ZFHX3: variants seen among roughly 807,000 people sequenced by gnomAD.
ZFHX3 encodes the protein zinc finger homeobox 3.
Under a neutral mutation model 279.1 loss-of-function variants are expected in ZFHX3, and 42 were observed. The ratio of observed to expected loss-of-function variants is 0.15; its 90% CI spans 0.12 to 0.19. ZFHX3 has a LOEUF of 0.19. ZFHX3 is among the 10% of genes least tolerant of loss of function. The pLI is 1.00. For synonymous variants in ZFHX3, 2,293 were observed against 1,957.8 expected (o/e 1.17, Z -4.52); for missense variants, 4,981 against 4,754.0 (o/e 1.05, Z -1.40).
chr16:73,778,054 A>T (rs1959318659), intron 1 of ZFHX3, among the ~76,000 whole-genome samples: 1 of 151,810 alleles, frequency 6.6e-6, no homozygotes, highest in Admixed American at 6.6e-5. Flanking sequence ...TAAAAAATGA[A>T]AATGAAAAAA....
At chr16:73,205,230 T>A (rs1184374180) in intron 5 of ZFHX3, among the ~76,000 whole-genome samples, 1 of 152,094 alleles carries the variant, frequency 6.6e-6, no homozygotes, top group African/African-American at 2.4e-5. Context: ...CACCTTGAGA[T>A]CTCACAGGGT....
intron 5 of ZFHX3, among the ~76,000 whole-genome samples, chr16:73,190,028 T>C (rs957714418): frequency 6.6e-6 from 1 of 152,254 alleles, no homozygotes; most frequent in Admixed American, 6.5e-5. Flanking sequence ...ACATCCACTC[T>C]TGAAAGAAGC....
intron 2 of ZFHX3, among the ~76,000 whole-genome samples, chr16:73,553,909 T>C (rs7196605): frequency 0.18 from 27,134 of 152,152 alleles, 3,913 homozygotes; most frequent in African/African-American, 0.4. Flanking sequence ...AAATGCTTAA[T>C]GTGAGTTTTC....
chr16:73,673,215 T>C (rs1281332945), intron 2 of ZFHX3, among the ~76,000 whole-genome samples: 1 of 152,046 alleles, frequency 6.6e-6, no homozygotes, highest in Non-Finnish European at 1.5e-5. Context: ...GAGGAGGATA[T>C]CAAGATAAGA....
chr16:73,448,317 G>A (rs185698213), intron 3 of ZFHX3, among the ~76,000 whole-genome samples: 60 of 152,270 alleles, frequency 3.9e-4, no homozygotes, highest in East Asian at 1.5e-3. Flanking sequence ...GTACTATGCC[G>A]TAGAATAGTT....
chr16:73,662,428 G>C (rs2052795138), intron 2 of ZFHX3, among the ~76,000 whole-genome samples: 1 of 152,048 alleles, frequency 6.6e-6, no homozygotes, highest in Admixed American at 6.6e-5. Context: ...CGAGACACAT[G>C]CACGTATATA....
intron 5 of ZFHX3, among the ~76,000 whole-genome samples, chr16:73,195,802 C>G (rs948294985): frequency 6.6e-6 from 1 of 152,004 alleles, no homozygotes; most frequent in South Asian, 2.1e-4. Flanking sequence ...GAATCAGGAA[C>G]GGCAGGAAGT....
chr16:72,942,627 A>G (rs1010913434), intron 3 of ZFHX3, among the ~76,000 whole-genome samples: 7 of 152,188 alleles, frequency 4.6e-5, no homozygotes, highest in Non-Finnish European at 1.0e-4. Flanking sequence ...TGTAACCAGT[A>G]CCTGAAAACA....
chr16:73,624,642 G>GA (rs34274078), intron 2 of ZFHX3, among the ~76,000 whole-genome samples: 81,339 of 146,178 alleles, frequency 0.56, 24,826 homozygotes, highest in East Asian at 0.82. Flanking sequence ...CTATCCCCCA[G>GA]AAAAAAAAAA....
At chr16:73,006,891 T>A (rs1258842212) in intron 1 of ZFHX3, among the ~76,000 whole-genome samples, 1 of 152,214 alleles carries the variant, frequency 6.6e-6, no homozygotes, top group Non-Finnish European at 1.5e-5. Context: ...ATGTAAATGC[T>A]ATATAAATAT....
At chr16:72,962,041 T>C (rs1275500781) in intron 1 of ZFHX3, among the ~76,000 whole-genome samples, 3 of 152,170 alleles carry the variant, frequency 2.0e-5, no homozygotes, top group Non-Finnish European at 2.9e-5. Context: ...ATCTGATTGA[T>C]AGCTTGGGCC....
At chr16:73,830,595 G>A (rs1168343261) in intron 1 of ZFHX3, among the ~76,000 whole-genome samples, 1 of 152,072 alleles carries the variant, frequency 6.6e-6, no homozygotes, top group Non-Finnish European at 1.5e-5. Context: ...CATTTCCTGT[G>A]AAAATTCCCA....
chr16:73,066,316 C>T (rs1965752387), intron 8 of ZFHX3, among the ~76,000 whole-genome samples: 1 of 152,200 alleles, frequency 6.6e-6, no homozygotes, highest in African/African-American at 2.4e-5. Flanking sequence ...GCCTCTCGTT[C>T]CCAAAACCTT....
chr16:73,240,421 G>A (rs184391342), intron 5 of ZFHX3, among the ~76,000 whole-genome samples: 1 of 152,144 alleles, frequency 6.6e-6, no homozygotes, highest in East Asian at 1.9e-4. Flanking sequence ...GTTTCCCCAT[G>A]TTCGCCAGTC....
At chr16:73,798,105 G>T (rs77838459) in intron 1 of ZFHX3, among the ~76,000 whole-genome samples, 11 of 151,914 alleles carry the variant, frequency 7.2e-5, no homozygotes, top group Non-Finnish European at 1.5e-4. Flanking sequence ...CACCGCACTC[G>T]GTCCTTCTGA....
At chr16:73,248,096 A>G (rs1199269610) in intron 5 of ZFHX3, among the ~76,000 whole-genome samples, 1 of 150,660 alleles carries the variant, frequency 6.6e-6, no homozygotes, top group African/African-American at 2.5e-5. Context: ...GTGTGTGTAT[A>G]TGTGCCTGTA....
intron 5 of ZFHX3, among the ~76,000 whole-genome samples, chr16:73,224,269 C>T (rs956772182): frequency 2.0e-5 from 3 of 152,164 alleles, no homozygotes; most frequent in Non-Finnish European, 4.4e-5. Flanking sequence ...AGACAACACA[C>T]GTGTGAAGAC....
intron 1 of ZFHX3, among the ~76,000 whole-genome samples, chr16:73,823,813 C>G (rs556989040): frequency 1.2e-3 from 184 of 152,168 alleles, no homozygotes; most frequent in Admixed American, 4.8e-3. Context: ...ATGCCAGCGC[C>G]TCCTGCCTCT....
At chr16:73,793,400 G>C (rs1172754025) in intron 1 of ZFHX3, among the ~76,000 whole-genome samples, 1 of 152,208 alleles carries the variant, frequency 6.6e-6, no homozygotes, top group African/African-American at 2.4e-5. Flanking sequence ...ACAATGAAAA[G>C]GAAGCATCTC....
Sources: allele counts gnomAD v4.1 joint callset (sites outside exome capture counted in the v4.1 genomes callset), GRCh38; gene constraint gnomAD v4.1.1; transcripts MANE v1.5; gene names NCBI Gene and HGNC (gene_info 2026-07-23, HGNC 2026-07-21).